Variants in PLA2G12B observed in about 807,000 individuals in gnomAD.
PLA2G12B encodes the protein phospholipase A2 group XIIB.
PLA2G12B carries 19 observed loss-of-function variants against 22.3 expected under a neutral mutation model. The ratio of observed to expected loss-of-function variants is 0.85; its 90% CI spans 0.60 to 1.25. PLA2G12B has a LOEUF of 1.25. Ranked by LOEUF, PLA2G12B falls within the 50% of genes most tolerant of loss-of-function variation. The probability of loss-of-function intolerance (pLI) is 0.00; values close to 1 mark genes in which losing one functional copy is unlikely to be tolerated. For missense variants in PLA2G12B, 191 were observed against 246.6 expected (o/e 0.77, Z 1.51); for synonymous variants, 81 against 94.9 (o/e 0.85, Z 0.85).
intron 1 of PLA2G12B, among the ~76,000 whole-genome samples, chr10:72,944,762 A>G (rs1429438018): frequency 6.6e-6 from 1 of 152,224 alleles, no homozygotes. Context: ...CTTTCCTGGA[A>G]CCCAGGCTGC....
chr10:72,941,350 G>C lies in PLA2G12B; in HGVS notation c.301-16C>G. The stretch of plus-strand genomic sequence containing the variant: ...CCAAGTCCATCTGGGGAAAAGTGAA[G>C]GAAGGGAAAAGAAGGGGAAGAAATG... On this transcript the variant is annotated splice_polypyrimidine_tract_variant and intron_variant, in intron 2 of 3. Transcript: ENST00000373032. 6.2e-7 allele frequency: 1 copy of C among 1,610,214 alleles called. No individual in the cohort carries two copies. The highest frequency in any genetic ancestry group is 2.2e-5 in the East Asian group (1 of 44,812).
intron 1 of PLA2G12B, 33 bp from the exon 2 acceptor site, chr10:72,942,773 G>T (rs773011872): frequency 3.4e-6 from 5 of 1,487,694 alleles, no homozygotes; most frequent in South Asian, 1.2e-5. Context: ...GAAGCAAGAA[G>T]AAATATTTAG....
chr10:72,947,991 C>A (rs914440578), intron 1 of PLA2G12B, among the ~76,000 whole-genome samples: 2 of 152,216 alleles, frequency 1.3e-5, no homozygotes, highest in Non-Finnish European at 1.5e-5. Flanking sequence ...TCTCCTGCCT[C>A]AGCCTCCTGA....
chr10:72,949,806 C>T (rs1241905516), intron 1 of PLA2G12B, among the ~76,000 whole-genome samples: 1 of 152,016 alleles, frequency 6.6e-6, no homozygotes, highest in South Asian at 2.1e-4. Flanking sequence ...GTGAAACCCC[C>T]GTCTCTACTA....
intron 3 of PLA2G12B, among the ~76,000 whole-genome samples, chr10:72,937,997 C>G (rs1426293674): frequency 1.3e-5 from 2 of 151,670 alleles, no homozygotes. Context: ...ACCTGTAATC[C>G]CAGCTACTCA....
At chr10:72,948,348 G>A (rs916855531) in intron 1 of PLA2G12B, among the ~76,000 whole-genome samples, 1 of 152,178 alleles carries the variant, frequency 6.6e-6, no homozygotes, top group African/African-American at 2.4e-5. Context: ...GCCTGCAGCT[G>A]ATGATGGTTA....
At chr10:72,946,049 T>A (rs1322371413) in intron 1 of PLA2G12B, among the ~76,000 whole-genome samples, 1 of 152,234 alleles carries the variant, frequency 6.6e-6, no homozygotes, top group Admixed American at 6.5e-5. Context: ...TGTGTACGAT[T>A]CAATGGTTTT....
chr10:72,946,492 C>A (rs1846442751), intron 1 of PLA2G12B, among the ~76,000 whole-genome samples: 2 of 152,108 alleles, frequency 1.3e-5, no homozygotes, highest in South Asian at 4.1e-4. Flanking sequence ...CATATGGTAA[C>A]CCTGTTGAAC....
At chr10:72,946,052 A>G (rs1230004073) in intron 1 of PLA2G12B, among the ~76,000 whole-genome samples, 1 of 152,188 alleles carries the variant, frequency 6.6e-6, no homozygotes, top group Non-Finnish European at 1.5e-5. Flanking sequence ...GTACGATTCA[A>G]TGGTTTTGGC....
At chr10:72,953,781 A>ACAAATCTGCATCTGGCGCCAAGTC in intron 1 of PLA2G12B, among the ~76,000 whole-genome samples, 1 of 152,128 alleles carries the variant, frequency 6.6e-6, no homozygotes, top group Admixed American at 6.6e-5. Context: ...CTGCCAGCTC[A>ACAAATCTGCATCTGGCGCCAAGTC]CAAATCTGCA....
intron 1 of PLA2G12B, among the ~76,000 whole-genome samples, chr10:72,953,541 T>A (rs1195992863): frequency 6.6e-6 from 1 of 152,170 alleles, no homozygotes; most frequent in African/African-American, 2.4e-5. Context: ...AATTAAACCA[T>A]AAAACTAATG....
At chr10:72,951,389 A>T (rs1476231830) in intron 1 of PLA2G12B, among the ~76,000 whole-genome samples, 2 of 151,958 alleles carry the variant, frequency 1.3e-5, no homozygotes, top group African/African-American at 4.8e-5. Context: ...CTGGAGGTGG[A>T]AAAGGTTATC....
At chr10:72,948,942 G>C (rs539178518) in intron 1 of PLA2G12B, among the ~76,000 whole-genome samples, 1 of 152,162 alleles carries the variant, frequency 6.6e-6, no homozygotes, top group Non-Finnish European at 1.5e-5. Context: ...ACTGCCTCCC[G>C]GGCCCGCCCT....
In PLA2G12B at chr10:72,935,749, A is replaced by G. The variant is rs373163816; in HGVS notation, c.467-11T>C. ...GGGAATCACAGGCTGCTTGAAAAAG[A>G]TGAAGAGGGACAGAAAGGTTAACCC... On this transcript the variant is annotated splice_polypyrimidine_tract_variant and intron_variant, in intron 3 of 3. Coordinates refer to ENST00000373032, the MANE Select transcript of PLA2G12B (RefSeq NM_032562.5). 6.2e-7 allele frequency: 1 copy of G among 1,613,298 alleles called. No individual in the cohort carries two copies. The highest frequency in any genetic ancestry group is 8.5e-7 in the Non-Finnish European group (1 of 1,179,638).
intron 3 of PLA2G12B, among the ~76,000 whole-genome samples, chr10:72,938,114 A>AG (rs1252567619): frequency 1.3e-5 from 2 of 149,470 alleles, no homozygotes; most frequent in Non-Finnish European, 3.0e-5. Context: ...ACTCCATCTC[A>AG]GAAAAAAAAA....
intron 1 of PLA2G12B, among the ~76,000 whole-genome samples, chr10:72,950,678 C>CAGTA (rs1846516277): frequency 1.3e-5 from 2 of 152,104 alleles, no homozygotes; most frequent in African/African-American, 4.8e-5. Flanking sequence ...TGGGGTTTCA[C>CAGTA]CATGCTGGCC....
chr10:72,937,028 G>A lies in PLA2G12B; in HGVS notation c.467-1290C>T, dbSNP rs554580069. ...CTAACAAGACCATCCTGGCTAACAC[G>A]GTGAAACCTTGTCTCTACTAAAAAT... On this transcript the variant is annotated intron_variant, in intron 3 of 3. Coordinates refer to ENST00000373032, the MANE Select transcript of PLA2G12B (RefSeq NM_032562.5). Among the ~76,000 whole-genome samples the A allele has an allele frequency of 2.7e-3, 407 of 152,188 alleles. 1 individual carries two copies. The highest frequency in any genetic ancestry group is 9.4e-3 in the African/African-American group (391 of 41,526).
At chr10:72,954,345 T>A (rs1453792132) in intron 1 of PLA2G12B, 130 bp downstream of exon 1, 1 of 1,128,668 alleles carries the variant, frequency 8.9e-7, no homozygotes, top group East Asian at 2.4e-5. Context: ...GTGTCCTACA[T>A]TTTTATCTGC....
At chr10:72,937,229 G>A (rs561466116) in intron 3 of PLA2G12B, among the ~76,000 whole-genome samples, 1 of 152,020 alleles carries the variant, frequency 6.6e-6, no homozygotes, top group South Asian at 2.1e-4. Flanking sequence ...AAAATAAAAA[G>A]GATTATAAGG....
Sources: gnomAD v4.1 joint callset for allele counts (sites outside exome capture counted in the v4.1 genomes callset) on GRCh38, gnomAD v4.1.1 for gene constraint, MANE v1.5 for transcripts, NCBI Gene and HGNC (gene_info 2026-07-23, HGNC 2026-07-21) for gene names.